HECTD4: variants seen among roughly 807,000 people sequenced by gnomAD.
HECTD4 encodes the protein probable E3 ubiquitin-protein ligase HECTD4.
In HECTD4, 114 loss-of-function variants were observed where a neutral mutation model predicts 471.5. That is an observed-to-expected ratio of 0.24 (90% CI 0.21 to 0.28). The LOEUF is 0.28. Among genes scored for constraint, HECTD4 ranks in the 10% least tolerant of loss-of-function variants. The probability of loss-of-function intolerance (pLI) is 1.00; values close to 1 mark genes in which losing one functional copy is unlikely to be tolerated. For synonymous variants in HECTD4, 2,012 were observed against 2,256.0 expected, an observed-to-expected ratio of 0.89 and a Z score of 3.07; for missense variants, 3,866 against 5,651.5, an observed-to-expected ratio of 0.68 and a Z score of 10.13.
intron 2 of HECTD4, among the ~76,000 whole-genome samples, chr12:112,317,797 G>A (rs1389508857): frequency 6.6e-6 from 1 of 151,874 alleles, no homozygotes; most frequent in African/African-American, 2.4e-5. Flanking sequence ...TGGGCAACAA[G>A]GGGAAACCCC....
At chr12:112,298,351 T>C (rs1035168110) in intron 7 of HECTD4, among the ~76,000 whole-genome samples, 2 of 152,178 alleles carry the variant, frequency 1.3e-5, no homozygotes, top group Admixed American at 6.5e-5. Flanking sequence ...TAGCCCCTTT[T>C]ATTACACAGC....
intron 65 of HECTD4, 73 bp from the exon 66 acceptor site, chr12:112,175,932 C>T (rs2031427241): frequency 9.6e-6 from 15 of 1,564,704 alleles, no homozygotes; most frequent in African/African-American, 1.4e-5. Context: ...GTGCTCTGCT[C>T]TCACCACAGC....
intron 1 of HECTD4, among the ~76,000 whole-genome samples, chr12:112,347,736 C>T (rs1252392756): frequency 1.3e-5 from 2 of 152,192 alleles, no homozygotes; most frequent in Non-Finnish European, 2.9e-5. Flanking sequence ...CTGTGGTTTC[C>T]TAAAGCCAAG....
At chr12:112,205,351 T>A (rs1434042459) in intron 52 of HECTD4, among the ~76,000 whole-genome samples, 2 of 151,978 alleles carry the variant, frequency 1.3e-5, no homozygotes, top group Non-Finnish European at 1.5e-5. Context: ...GGAGAACTGT[T>A]TGAACCCGGG....
intron 50 of HECTD4, among the ~76,000 whole-genome samples, chr12:112,209,770 G>A (rs1001583163): frequency 6.6e-6 from 1 of 152,204 alleles, no homozygotes; most frequent in African/African-American, 2.4e-5. Flanking sequence ...GGCTCTAGTG[G>A]TCTTGCACTG....
At chr12:112,209,258 C>T (rs1346709639) in intron 50 of HECTD4, among the ~76,000 whole-genome samples, 1 of 151,892 alleles carries the variant, frequency 6.6e-6, no homozygotes, top group Non-Finnish European at 1.5e-5. Context: ...ATATGGCCTG[C>T]AGACATCCTT....
chr12:112,164,285 G>A lies in HECTD4; in HGVS notation c.12535-10C>T, dbSNP rs2030832996. On this transcript the variant is annotated splice_polypyrimidine_tract_variant and intron_variant, in intron 72 of 75. Transcript: ENST00000682272. ...CGGTCTCATCATTGATCTGGAGGGT[G>A]GAGGCAGAGCGAGGCTCATTATGAG... is the stretch of plus-strand genomic sequence containing the variant. The A allele has an allele frequency of 1.9e-6, 3 of 1,608,320 alleles. No homozygotes were observed. The East Asian group carries it at 6.7e-5, about 36-fold the overall frequency.
chr12:112,302,559 C>T, intron 7 of HECTD4: 1 of 701,210 alleles, frequency 1.4e-6, no homozygotes, highest in East Asian at 2.6e-5. Context: ...TACCAAAATT[C>T]TTACGCCTTT....
intron 6 of HECTD4, among the ~76,000 whole-genome samples, chr12:112,306,585 C>T (rs2035275357): frequency 6.6e-6 from 1 of 152,118 alleles, no homozygotes; most frequent in African/African-American, 2.4e-5. Context: ...TTTAGAGAAG[C>T]AACACTTTCT....
At chr12:112,269,546 C>A (rs367781524) in intron 13 of HECTD4, among the ~76,000 whole-genome samples, 158 bp downstream of exon 13, 1 of 152,136 alleles carries the variant, frequency 6.6e-6, no homozygotes, top group Admixed American at 6.5e-5. Flanking sequence ...GAAGGTGGGG[C>A]CACAAACCCC....
Position 112,273,648 on chromosome 12 carries a change from A to C in HECTD4, c.1942+7T>G. On this transcript the variant is annotated splice_region_variant and intron_variant, in intron 11 of 75. Transcript: ENST00000682272. ...TCTTTTCCTGCAAGACCCTGAGTGC[A>C]CCTCACCTTTGGGCTCAGTGATAAT... The C allele has an allele frequency of 6.2e-7, 1 of 1,613,592 alleles. No homozygotes were observed. Among genetic ancestry groups the C allele is most frequent in the Non-Finnish European group, 8.5e-7 (1 of 1,179,574 alleles).
chr12:112,241,951 T>G, intron 32 of HECTD4, among the ~76,000 whole-genome samples: 1 of 152,188 alleles, frequency 6.6e-6, no homozygotes, highest in East Asian at 1.9e-4. Context: ...CCAGAATTCC[T>G]CAAAGAACTG....
chr12:112,257,571 T>G lies in HECTD4; in HGVS notation c.3128+925A>C, dbSNP rs1298386742. 2.0e-5 allele frequency among the ~76,000 whole-genome samples: 3 copies of G among 152,226 alleles called. No individual in the cohort carries two copies. The East Asian group carries it at 5.8e-4, about 29-fold the overall frequency. On this transcript the variant is annotated intron_variant, in intron 20 of 75. Coordinates refer to ENST00000682272, the MANE Select transcript of HECTD4 (RefSeq NM_001388303.1). ...CTTATTTGCTGTCTGTCACTAGAGA[T>G]TAGTTTGCATTTTCTAGAGTTTTAT... is the stretch of plus-strand genomic sequence containing the variant.
intron 4 of HECTD4, among the ~76,000 whole-genome samples, chr12:112,312,379 G>C (rs571010661): frequency 8.5e-5 from 13 of 152,284 alleles, no homozygotes; most frequent in South Asian, 2.1e-4. Flanking sequence ...GACCAGCCCT[G>C]TGGGTTCAGT....
At chr12:112,164,323 G>A (rs2136995483) in intron 72 of HECTD4, 48 bp from the exon 73 acceptor site, 2 of 1,566,778 alleles carry the variant, frequency 1.3e-6, no homozygotes, top group East Asian at 2.3e-5. Flanking sequence ...CATGGGAGGT[G>A]GAACCCTGAT....
At chr12:112,303,155 T>G (rs1426395439) in intron 7 of HECTD4, among the ~76,000 whole-genome samples, 1 of 152,170 alleles carries the variant, frequency 6.6e-6, no homozygotes, top group Non-Finnish European at 1.5e-5. Flanking sequence ...ATTCAGTTTC[T>G]TCAGAAAATA....
At chr12:112,252,597 A>G (rs774496781) in intron 22 of HECTD4, 69 bp from the exon 23 acceptor site, 4 of 1,539,726 alleles carry the variant, frequency 2.6e-6, no homozygotes, top group African/African-American at 1.4e-5. Context: ...AGAGCAATGA[A>G]TTTCAGAGGT....
Position 112,382,253 on chromosome 12 carries a change from C to T in HECTD4, c.-125G>A. On this transcript the variant is annotated 5_prime_UTR_variant, in exon 1 of 76. Coordinates refer to ENST00000682272, the MANE Select transcript of HECTD4 (RefSeq NM_001388303.1). ...CCCGCCAGCGGCGCCCCACTTGCTG[C>T]CTCGCCCGTGCAACTCCGCCCTAGG... The T allele has an allele frequency of 1.2e-6, 1 of 828,090 alleles. No homozygotes were observed. Among genetic ancestry groups the T allele is most frequent in the Non-Finnish European group, 1.6e-6 (1 of 629,738 alleles). 51.3% of individuals were successfully genotyped at this position (828,090 alleles called of 1,614,324 possible).
At chr12:112,164,339 G>A (rs1023858433) in intron 72 of HECTD4, 64 bp from the exon 73 acceptor site, 20 of 1,535,178 alleles carry the variant, frequency 1.3e-5, no homozygotes, top group African/African-American at 2.7e-5. Context: ...CTGATCCCCA[G>A]GTGGCTGGGT....
Sources: allele counts gnomAD v4.1 joint callset (sites outside exome capture counted in the v4.1 genomes callset), GRCh38; gene constraint gnomAD v4.1.1; transcripts MANE v1.5; gene names NCBI Gene and HGNC (gene_info 2026-07-23, HGNC 2026-07-21).